MAML2: variants seen among roughly 807,000 people sequenced by gnomAD.
The protein encoded by MAML2 is mastermind-like protein 2.
MAML2 carries 22 observed loss-of-function variants against 96.1 expected under a neutral mutation model. That is an observed-to-expected ratio of 0.23 (90% confidence interval 0.16 to 0.33). The LOEUF is 0.33. MAML2 is among the 10% of genes least tolerant of loss of function. MAML2 has a pLI of 1.00. For synonymous variants in MAML2, 561 were observed against 521.3 expected, an observed-to-expected ratio of 1.08 and a Z score of -1.04; for missense variants, 1,367 against 1,392.4, an observed-to-expected ratio of 0.98 and a Z score of 0.29.
intron 1 of MAML2, among the ~76,000 whole-genome samples, chr11:96,276,534 T>G (rs1862990377): frequency 6.6e-6 from 1 of 152,144 alleles, no homozygotes; most frequent in African/African-American, 2.4e-5. Context: ...GAGTGACACC[T>G]TAGGGTCATG....
At chr11:96,073,030 TAAAA>T (rs1199601629) in intron 2 of MAML2, among the ~76,000 whole-genome samples, 8 of 152,190 alleles carry the variant, frequency 5.3e-5, no homozygotes, top group Non-Finnish European at 1.2e-4. Flanking sequence ...TGTGAGGACT[TAAAA>T]AAACTATTAT....
At chr11:96,144,665 GAAT>G (rs1458379327) in intron 1 of MAML2, among the ~76,000 whole-genome samples, 5 of 152,140 alleles carry the variant, frequency 3.3e-5, no homozygotes, top group Non-Finnish European at 7.3e-5. Context: ...TTTAAATTGA[GAAT>G]AATAGAAACA....
chr11:96,055,407 C>T lies in MAML2; in HGVS notation c.2139+36485G>A, dbSNP rs1265418788. ...AAGCAAAGCTAATCTCAAACCTCCT[C>T]TAAGAGAGGAAAGAGGCAGGGGGGA... is the stretch of plus-strand genomic sequence containing the variant. On this transcript the variant is annotated intron_variant, in intron 2 of 4. Transcript: ENST00000524717. 3.3e-5 allele frequency among the ~76,000 whole-genome samples: 5 copies of T among 152,066 alleles called. No homozygotes were observed. In the East Asian group the frequency reaches 9.6e-4, roughly 29 times the overall value.
At position 95,991,585 on chromosome 11, in the gene MAML2, G is replaced by C; in HGVS notation, c.2278C>G (p.Leu760Val). Residue 760 changes from leucine (L) to valine (V), a missense_variant, in exon 3 of 5, where the codon CTA (leucine) becomes GTA (valine). Physicochemically the swap from Leu to Val is conservative, Grantham distance 32. Coordinates refer to ENST00000524717, the MANE Select transcript of MAML2 (RefSeq NM_032427.4). ...NQQLMGKKQT[L>V]QRQIMEQKQQ... ...TTCTGCTCCATGATCTGCCTCTGTA[G>C]AGTCTGCTTCTTTCCCATCAATTGC... The C allele has an allele frequency of 6.2e-7, 1 of 1,613,836 alleles. No homozygotes were observed. Among genetic ancestry groups the C allele is most frequent in the African/African-American group, 1.3e-5 (1 of 75,046 alleles).
At chr11:96,109,504 A>G (rs1860083466) in intron 1 of MAML2, among the ~76,000 whole-genome samples, 1 of 152,236 alleles carries the variant, frequency 6.6e-6, no homozygotes, top group African/African-American at 2.4e-5. Flanking sequence ...ACCTGGGCTA[A>G]GGTGGTAGCA....
chr11:95,981,044 C>T (rs1054816636), intron 4 of MAML2, among the ~76,000 whole-genome samples: 30 of 152,304 alleles, frequency 2.0e-4, no homozygotes, highest in African/African-American at 7.2e-4. Flanking sequence ...AGGAGCCTGG[C>T]CTCTCCTGTT....
intron 2 of MAML2, among the ~76,000 whole-genome samples, chr11:96,031,493 G>GA (rs1007343006): frequency 1.3e-5 from 2 of 152,122 alleles, no homozygotes; most frequent in African/African-American, 2.4e-5. Context: ...CTAATTTCCA[G>GA]AAAAGAGTAT....
rs113281437 is a variant in MAML2, at chr11:96,047,754, C to G, written c.2139+44138G>C. Among the ~76,000 whole-genome samples the G allele has an allele frequency of 3.4e-4, 51 of 151,590 alleles. 1 individual carries two copies. The highest frequency in any genetic ancestry group is 1.2e-3 in the African/African-American group (50 of 41,368). On this transcript the variant is annotated intron_variant, in intron 2 of 4. Coordinates refer to ENST00000524717, the MANE Select transcript of MAML2 (RefSeq NM_032427.4). Reference sequence around the variant, plus strand: ...TGAAACCCTGTCTCTACTAAAAATACAAAAATTAGCTGGGCATGGTGGTGG... The same window carrying G: ...TGAAACCCTGTCTCTACTAAAAATAGAAAAATTAGCTGGGCATGGTGGTGG...
intron 1 of MAML2, among the ~76,000 whole-genome samples, chr11:96,190,610 C>T (rs149161800): frequency 6.6e-6 from 1 of 152,074 alleles, no homozygotes; most frequent in Non-Finnish European, 1.5e-5. Flanking sequence ...GGAACTGGGG[C>T]CAATAAAAAT....
chr11:96,314,277 A>G (rs1863597074), intron 1 of MAML2, among the ~76,000 whole-genome samples: 2 of 152,256 alleles, frequency 1.3e-5, no homozygotes, highest in African/African-American at 4.8e-5. Context: ...GAGCTAGGCC[A>G]GCCAGCTGCT....
At chr11:96,243,535 A>G (rs1356736990) in intron 1 of MAML2, among the ~76,000 whole-genome samples, 1 of 152,216 alleles carries the variant, frequency 6.6e-6, no homozygotes, top group African/African-American at 2.4e-5. Flanking sequence ...CACCTGAGAA[A>G]TCCACAGCCT....
At chr11:96,285,978 A>G (rs546903350) in intron 1 of MAML2, among the ~76,000 whole-genome samples, 1 of 152,318 alleles carries the variant, frequency 6.6e-6, no homozygotes, top group South Asian at 2.1e-4. Flanking sequence ...TACTGGGTAT[A>G]TACCCAAAGG....
At chr11:96,242,581 C>G (rs11021492) in intron 1 of MAML2, among the ~76,000 whole-genome samples, 59,380 of 151,748 alleles carry the variant, frequency 0.39, 13,057 homozygotes, top group East Asian at 0.53. Context: ...ACTTTAGTTT[C>G]TGCAGGCTGA....
intron 1 of MAML2, among the ~76,000 whole-genome samples, chr11:96,327,132 C>T (rs990422243): frequency 5.3e-5 from 8 of 152,310 alleles, no homozygotes; most frequent in Admixed American, 3.9e-4. Context: ...AGGCAGGTCT[C>T]TCCAGGAGGT....
chr11:96,135,703 T>C (rs552535141), intron 1 of MAML2, among the ~76,000 whole-genome samples: 2 of 152,198 alleles, frequency 1.3e-5, no homozygotes, highest in South Asian at 4.1e-4. Flanking sequence ...GGCATTTTTT[T>C]CCTATCTTTA....
In MAML2 at chr11:95,979,470, T is replaced by C; in HGVS notation, c.2949A>G (p.Gly983=). 6.2e-7 allele frequency: 1 copy of C among 1,613,642 alleles called. No individual in the cohort carries two copies. The highest frequency in any genetic ancestry group is 8.5e-7 in the Non-Finnish European group (1 of 1,179,752). The change falls in exon 5 of 5, where the codon GGA becomes GGG. Residue 983 remains glycine (G), a synonymous_variant. Coordinates refer to ENST00000524717, the MANE Select transcript of MAML2 (RefSeq NM_032427.4). ...CAGGTGTACCTGTGGGGAAGCGGAC[T>C]CCTGCAGACGTCAGGGCTTCTTGCT... ...SKQQEALTSA[G]VRFPTGTPAA...
chr11:95,985,102 G>T (rs1461750047), intron 4 of MAML2, among the ~76,000 whole-genome samples: 1 of 152,152 alleles, frequency 6.6e-6, no homozygotes, highest in African/African-American at 2.4e-5. Flanking sequence ...CTTGGTGGCA[G>T]GACCATTTGT....
chr11:96,114,677 C>T (rs1375121412), intron 1 of MAML2, among the ~76,000 whole-genome samples: 3 of 152,222 alleles, frequency 2.0e-5, no homozygotes, highest in Non-Finnish European at 2.9e-5. Context: ...ATTGTGAATA[C>T]TGAAAAGTGT....
chr11:96,080,404 GT>G (rs1166860661), intron 2 of MAML2, among the ~76,000 whole-genome samples: 1 of 152,162 alleles, frequency 6.6e-6, no homozygotes, highest in Non-Finnish European at 1.5e-5. Context: ...AATATGATTT[GT>G]CTTTTCAAAC....
Sources: allele counts gnomAD v4.1 joint callset (sites outside exome capture counted in the v4.1 genomes callset), GRCh38; gene constraint gnomAD v4.1.1; transcripts MANE v1.5; gene names NCBI Gene and HGNC (gene_info 2026-07-23, HGNC 2026-07-21).